Variants in GRIA3 observed in about 807,000 individuals in gnomAD.
GRIA3 encodes glutamate ionotropic receptor AMPA type subunit 3, also known as glutamate receptor 3.
In GRIA3, 3 loss-of-function variants were observed where a neutral mutation model predicts 63.0. That is an observed-to-expected ratio of 0.05 (90% CI 0.02 to 0.12). GRIA3 has a LOEUF of 0.12. Among genes scored for constraint, GRIA3 ranks in the 10% least tolerant of loss-of-function variants. The probability of loss-of-function intolerance (pLI) is 1.00; values close to 1 mark genes in which losing one functional copy is unlikely to be tolerated. For synonymous variants in GRIA3, 274 were observed against 257.9 expected (o/e 1.06, Z -0.60); for missense variants, 347 against 700.9 (o/e 0.50, Z 5.70).
At chrX:123,235,375 T>C (rs2044296372) in intron 2 of GRIA3, among the ~76,000 whole-genome samples, 1 of 112,070 alleles carries the variant, frequency 8.9e-6, no homozygotes, top group Non-Finnish European at 1.9e-5. Context: ...GAACTCAAAA[T>C]GTCTTTTAAA....
At chrX:123,343,805 A>G (rs1015526322) in intron 4 of GRIA3, among the ~76,000 whole-genome samples, 1 of 106,877 alleles carries the variant, frequency 9.4e-6, no homozygotes, top group African/African-American at 3.4e-5. Context: ...TATGTTGCCC[A>G]GGCTGTGAAA....
intron 4 of GRIA3, among the ~76,000 whole-genome samples, chrX:123,340,995 G>A (rs1027304860): frequency 5.3e-5 from 6 of 112,181 alleles, no homozygotes; most frequent in African/African-American, 1.6e-4. Context: ...ACCTTAGATA[G>A]CAATGCAATT....
At chrX:123,287,750 T>C (rs1424481438) in intron 3 of GRIA3, among the ~76,000 whole-genome samples, 2 of 111,494 alleles carry the variant, frequency 1.8e-5, no homozygotes, top group Non-Finnish European at 3.8e-5. Context: ...AAACCACTGA[T>C]CAAGGAAATA....
chrX:123,205,856 T>C (rs114899369), intron 2 of GRIA3, among the ~76,000 whole-genome samples: 2,025 of 111,794 alleles, frequency 0.018, 49 homozygotes, highest in African/African-American at 0.062. Context: ...TGCCTGTGCA[T>C]ATGATAATAA....
rs114198793 is a variant in GRIA3, at chrX:123,484,330, G to C, written c.*2+1284G>C. Among the ~76,000 whole-genome samples, 838 of 112,525 alleles carry C rather than the reference G, an allele frequency of 7.4e-3. 9 individuals are homozygous for C. Among genetic ancestry groups the C allele is most frequent in the African/African-American group, 0.026 (802 of 31,030 alleles). ...CATCACTAAAATGCCTATCTGAAGT[G>C]GAACAGAACAATAAGCAACTTCATA... On this transcript the variant is annotated intron_variant, in intron 15 of 15. Transcript: ENST00000620443.
intron 12 of GRIA3, among the ~76,000 whole-genome samples, chrX:123,437,016 A>G (rs2045648359): frequency 9.1e-6 from 1 of 109,979 alleles, no homozygotes; most frequent in Admixed American, 9.9e-5. Flanking sequence ...AACAAGGACA[A>G]TTAACTGGAA....
rs1257222753 is a variant in GRIA3, at chrX:123,480,109, T to C, written c.2371T>C (p.Leu791=). ...AVLKLSEQGI[L]DKLKNKWWYD... ...ATTGAAACTCAGTGAACAAGGCATC[T>C]TAGACAAGCTGAAAAACAAATGGTG... is the stretch of plus-strand genomic sequence containing the variant. The change falls in exon 14 of 16, where the codon TTA becomes CTA. Residue 791 remains leucine (L), a synonymous_variant. Transcript: ENST00000620443. The C allele has an allele frequency of 8.3e-7, 1 of 1,208,579 alleles. No individual in the cohort carries two copies. Among genetic ancestry groups the C allele is most frequent in the Non-Finnish European group, 1.1e-6 (1 of 892,510 alleles).
chrX:123,223,323 A>G (rs954094452), intron 2 of GRIA3, among the ~76,000 whole-genome samples: 5 of 112,959 alleles, frequency 4.4e-5, no homozygotes, highest in African/African-American at 1.6e-4. Context: ...TTAACATACA[A>G]ACTGCATTAT....
chrX:123,382,269 T>C (rs2045329080), intron 5 of GRIA3, among the ~76,000 whole-genome samples: 1 of 111,076 alleles, frequency 9.0e-6, no homozygotes, highest in African/African-American at 3.3e-5. Flanking sequence ...TGGTAAGCTG[T>C]AATGGCCCTC....
intron 3 of GRIA3, among the ~76,000 whole-genome samples, chrX:123,304,406 C>T (rs1442655690): frequency 8.9e-6 from 1 of 111,786 alleles, no homozygotes; most frequent in Non-Finnish European, 1.9e-5. Flanking sequence ...GTCCCTTTCA[C>T]TTCTGATGTC....
chrX:123,418,982 G>A (rs1270026026), intron 11 of GRIA3, among the ~76,000 whole-genome samples: 1 of 112,331 alleles, frequency 8.9e-6, no homozygotes, highest in African/African-American at 3.2e-5. Flanking sequence ...TATTAAAAAA[G>A]TAGAAACAAC....
intron 2 of GRIA3, among the ~76,000 whole-genome samples, chrX:123,227,708 A>G (rs2044255095): frequency 8.9e-6 from 1 of 112,333 alleles, no homozygotes; most frequent in African/African-American, 3.2e-5. Context: ...TTTCTCTACC[A>G]TGAGGCAAAC....
intron 3 of GRIA3, among the ~76,000 whole-genome samples, chrX:123,309,031 G>A (rs1254254980): frequency 1.8e-5 from 2 of 112,121 alleles, no homozygotes; most frequent in Non-Finnish European, 3.8e-5. Flanking sequence ...GCCATGCCAG[G>A]CAGAGCAAGC....
chrX:123,298,858 G>A (rs1433207197), intron 3 of GRIA3, among the ~76,000 whole-genome samples: 1 of 111,091 alleles, frequency 9.0e-6, no homozygotes, highest in Non-Finnish European at 1.9e-5. Context: ...GGTTTTTATA[G>A]TTTTGGGTTT....
chrX:123,284,397 A>G (rs1054319863), intron 3 of GRIA3, among the ~76,000 whole-genome samples: 1 of 111,597 alleles, frequency 9.0e-6, no homozygotes, highest in Non-Finnish European at 1.9e-5. Flanking sequence ...ACTGAGAATG[A>G]GTTTGAGGAA....
At chrX:123,293,510 C>T (rs1218112225) in intron 3 of GRIA3, among the ~76,000 whole-genome samples, 1 of 109,848 alleles carries the variant, frequency 9.1e-6, no homozygotes, top group Non-Finnish European at 1.9e-5. Context: ...CTTGCCCATA[C>T]CTGATATAAA....
chrX:123,292,490 C>A (rs1358104558), intron 3 of GRIA3, among the ~76,000 whole-genome samples: 1 of 110,522 alleles, frequency 9.0e-6, no homozygotes, highest in East Asian at 2.9e-4. Context: ...CCTTTGAAGA[C>A]CTCCCCCCAC....
At position 123,245,450 on chromosome X, in the gene GRIA3, A is replaced by C. The variant is rs767665622; in HGVS notation, c.269-7853A>C. Among the ~76,000 whole-genome samples, 13 of 111,457 alleles carry C rather than the reference A, an allele frequency of 1.2e-4. No individual in the cohort carries two copies. In the South Asian group the frequency reaches 5.0e-3, roughly 43 times the overall value. ...CCTGGCACATAGCAGGTCCTCCATA[A>C]ATATTTGTTGAATTTTAAAAAACCA... is the stretch of plus-strand genomic sequence containing the variant. On this transcript the variant is annotated intron_variant, in intron 2 of 15. Transcript: ENST00000620443.
chrX:123,295,617 A>T (rs1021341411), intron 3 of GRIA3, among the ~76,000 whole-genome samples: 11 of 111,252 alleles, frequency 9.9e-5, no homozygotes, highest in African/African-American at 3.3e-4. Flanking sequence ...TCCAAAGTAC[A>T]CTATGATTTA....
Sources: allele counts gnomAD v4.1 joint callset (sites outside exome capture counted in the v4.1 genomes callset), GRCh38; gene constraint gnomAD v4.1.1; transcripts MANE v1.5; gene names NCBI Gene and HGNC (gene_info 2026-07-23, HGNC 2026-07-21).